TENM3: variants seen among roughly 807,000 people sequenced by gnomAD.
TENM3 encodes the protein teneurin transmembrane protein 3, also known as teneurin-3.
In TENM3, 63 loss-of-function variants were observed where a neutral mutation model predicts 255.1. The observed-to-expected ratio is 0.25, with a 90% confidence interval of 0.20 to 0.30. The LOEUF (loss-of-function observed/expected upper bound fraction) is 0.30, where lower values mean the gene tolerates loss of function less well. Among genes scored for constraint, TENM3 ranks in the 10% least tolerant of loss-of-function variants. TENM3 has a pLI of 1.00. For missense variants in TENM3, 2,929 were observed against 3,461.1 expected (o/e 0.85, Z 3.86); for synonymous variants, 1,306 against 1,322.3 (o/e 0.99, Z 0.27).
intron 3 of TENM3, among the ~76,000 whole-genome samples, chr4:182,540,258 A>G (rs953303589): frequency 2.6e-5 from 4 of 152,192 alleles, no homozygotes; most frequent in African/African-American, 9.7e-5. Flanking sequence ...TAGAAAAACA[A>G]GAAATTGCTA....
At chr4:181,907,146 G>A in the TENM3 span, among the ~76,000 whole-genome samples, 1 of 152,152 alleles carries the variant, frequency 6.6e-6, no homozygotes, top group Admixed American at 6.5e-5. Context: ...TCTGAGCCCA[G>A]CCTGTCAACT....
chr4:182,525,824 G>A (rs756659550), intron 3 of TENM3, among the ~76,000 whole-genome samples: 1 of 152,180 alleles, frequency 6.6e-6, no homozygotes, highest in Non-Finnish European at 1.5e-5. Flanking sequence ...ATAAAGGAAA[G>A]ACATTCTGAT....
rs555756732 is a variant in TENM3, at chr4:182,793,883, C to T, written c.7211C>T (p.Thr2404Ile). The change falls in exon 26 of 28, where the codon ACA becomes ATA. Residue 2404 changes from threonine (T) to isoleucine (I), a missense_variant and splice_region_variant. Thr to Ile is a moderately conservative substitution (Grantham distance 89). This residue lies in a region of TENM3 where 476 missense variants were observed against 480.1 expected (regional missense o/e 0.99). Transcript: ENST00000511685. The surrounding 1 kb of genome is among the most constrained non-coding windows in gnomAD (Gnocchi z 5.7). ...ATCCATGACGTGAAAGATTACATCA[C>T]AGGTAAGCATTTTGATTCCTTCCCA... is the stretch of plus-strand genomic sequence containing the variant. ...SKIHDVKDYI[T>I]DVNSWLVTFG... 34 of 1,596,600 alleles carry T rather than the reference C, an allele frequency of 2.1e-5. No individual in the cohort carries two copies. Among genetic ancestry groups the T allele is most frequent in the Non-Finnish European group, 2.8e-5 (33 of 1,170,322 alleles).
At chr4:182,492,386 T>A (rs573331853) in intron 3 of TENM3, among the ~76,000 whole-genome samples, 1 of 152,168 alleles carries the variant, frequency 6.6e-6, no homozygotes, top group African/African-American at 2.4e-5. Flanking sequence ...GACACAATAA[T>A]CCATAATTTA....
chr4:182,773,527 A>G lies in TENM3; in HGVS notation c.4948A>G (p.Asn1650Asp), dbSNP rs1350176025. 2 of 1,613,766 alleles carry G rather than the reference A, an allele frequency of 1.2e-6. No homozygotes were observed. Among genetic ancestry groups the G allele is most frequent in the African/African-American group, 2.7e-5 (2 of 74,944 alleles). The change falls in exon 23 of 28, where the codon AAC (asparagine) becomes GAC (aspartate). Residue 1650 changes from asparagine to aspartate, a missense_variant. Physicochemically the swap from Asn to Asp is conservative, Grantham distance 23. Transcript: ENST00000511685. The part of the protein sequence containing the change: ...NVTFPTGVVT[N>D]LHGDMDKAIT... ...TACGTTTCCAACTGGAGTGGTCACAAACCTGCATGGGGACATGGACAAGGC... is the reference window on the plus strand; with the variant it reads ...TACGTTTCCAACTGGAGTGGTCACAGACCTGCATGGGGACATGGACAAGGC...
chr4:181,688,742 A>G, the TENM3 span, among the ~76,000 whole-genome samples: 1 of 152,220 alleles, frequency 6.6e-6, no homozygotes, highest in Non-Finnish European at 1.5e-5. Flanking sequence ...GAGTGTTTGT[A>G]GCACAGACAG....
At chr4:182,068,258 A>G in the TENM3 span, among the ~76,000 whole-genome samples, 3 of 152,192 alleles carry the variant, frequency 2.0e-5, no homozygotes, top group South Asian at 6.2e-4. Flanking sequence ...AAAGACATCC[A>G]TATTTGCGCT....
intron 3 of TENM3, among the ~76,000 whole-genome samples, chr4:182,388,314 G>A (rs1283338068): frequency 6.6e-6 from 1 of 151,974 alleles, no homozygotes; most frequent in Non-Finnish European, 1.5e-5. Flanking sequence ...CTTCTATTAT[G>A]TTGTTTTTCT....
chr4:181,831,990 G>C, the TENM3 span, among the ~76,000 whole-genome samples: 2 of 147,728 alleles, frequency 1.4e-5, no homozygotes, highest in Admixed American at 6.7e-5. Context: ...GTGTGTGTGT[G>C]TGTGTGTGTG....
chr4:182,175,926 C>T (rs1442516789), intron 1 of TENM3, among the ~76,000 whole-genome samples: 1 of 146,648 alleles, frequency 6.8e-6, no homozygotes, highest in Non-Finnish European at 1.5e-5. Context: ...CCCACCCTGC[C>T]GCCGCTGCAC....
At chr4:181,667,701 C>T in the TENM3 span, among the ~76,000 whole-genome samples, 5 of 152,134 alleles carry the variant, frequency 3.3e-5, no homozygotes, top group African/African-American at 1.2e-4. Context: ...TTCTCAGCCT[C>T]CAGAACCAAG....
chr4:182,664,366 C>G (rs982853591), intron 6 of TENM3, among the ~76,000 whole-genome samples: 7 of 152,136 alleles, frequency 4.6e-5, no homozygotes, highest in South Asian at 2.1e-4. Flanking sequence ...AGACAGCGAA[C>G]TTAATAAATG....
intron 24 of TENM3, among the ~76,000 whole-genome samples, chr4:182,779,628 C>T (rs1209168488): frequency 3.3e-5 from 5 of 152,208 alleles, no homozygotes; most frequent in East Asian, 1.9e-4. Context: ...CCTGAGGAAT[C>T]GCCACACTGA....
chr4:182,072,212 C>A, the TENM3 span, among the ~76,000 whole-genome samples: 1 of 152,174 alleles, frequency 6.6e-6, no homozygotes, highest in African/African-American at 2.4e-5. Flanking sequence ...TTTTTTCACT[C>A]TCACCCATAC....
intron 3 of TENM3, among the ~76,000 whole-genome samples, chr4:182,432,849 GGT>G (rs70956512): frequency 2.1e-5 from 3 of 142,974 alleles, no homozygotes; most frequent in Admixed American, 2.1e-4. Context: ...AATGGATTTG[GGT>G]GTGTGTGTGT....
the TENM3 span, among the ~76,000 whole-genome samples, chr4:181,644,532 G>A: frequency 6.6e-6 from 1 of 151,872 alleles, no homozygotes; most frequent in East Asian, 1.9e-4. Flanking sequence ...GTCTTTCTCT[G>A]CTTTCTCACC....
chr4:181,564,395 T>C, the TENM3 span, among the ~76,000 whole-genome samples: 1 of 152,162 alleles, frequency 6.6e-6, no homozygotes, highest in African/African-American at 2.4e-5. Flanking sequence ...CACAGAGAGC[T>C]TGAGTGACTT....
At chr4:182,418,697 G>A (rs1480762807) in intron 3 of TENM3, among the ~76,000 whole-genome samples, 1 of 152,110 alleles carries the variant, frequency 6.6e-6, no homozygotes, top group Admixed American at 6.5e-5. Flanking sequence ...ACGCAGCTGG[G>A]GCTATAGGCA....
the TENM3 span, among the ~76,000 whole-genome samples, chr4:181,468,204 G>A: frequency 6.6e-6 from 1 of 151,802 alleles, no homozygotes; most frequent in Admixed American, 6.6e-5. Flanking sequence ...AGCCTGGGAG[G>A]CAGAGGTTGT....
Sources: gnomAD v4.1 joint callset for allele counts (sites outside exome capture counted in the v4.1 genomes callset) on GRCh38, gnomAD v4.1.1 for gene constraint, gnomAD v4.1.1 regional missense constraint, Gnocchi (gnomAD v3.1) non-coding constraint, MANE v1.5 for transcripts, NCBI Gene and HGNC (gene_info 2026-07-23, HGNC 2026-07-21) for gene names.